The following PEAK1 variants were observed in gnomAD, a reference collection of about 807,000 sequenced individuals.
The protein encoded by PEAK1 is inactive tyrosine-protein kinase PEAK1.
In PEAK1, 54 loss-of-function variants were observed where a neutral mutation model predicts 124.7. That is an observed-to-expected ratio of 0.43 (90% CI 0.35 to 0.54). PEAK1 has a LOEUF of 0.54. Among genes scored for constraint, PEAK1 ranks in the 20% least tolerant of loss-of-function variants. The pLI, the probability that PEAK1 is intolerant of heterozygous loss-of-function variation, is 0.01. For synonymous variants in PEAK1, 719 were observed against 760.0 expected (o/e 0.95, Z 0.89); for missense variants, 2,046 against 2,134.5 (o/e 0.96, Z 0.82).
intron 9 of PEAK1, among the ~76,000 whole-genome samples, chr15:77,124,403 T>G (rs2052193400): frequency 6.6e-6 from 1 of 152,262 alleles, no homozygotes; most frequent in Non-Finnish European, 1.5e-5. Context: ...TCAACTTGGC[T>G]GCCCTATGGG....
exon 7 of PEAK1, chr15:77,102,168 A>C (rs1054730158): frequency 6.6e-6 from 1 of 152,040 alleles, no homozygotes; most frequent in African/African-American, 2.4e-5. Context: ...TTTTTTTTAG[A>C]TATGCCACCT....
At chr15:77,353,566 T>C (rs2067329933) in intron 2 of PEAK1, among the ~76,000 whole-genome samples, 1 of 152,162 alleles carries the variant, frequency 6.6e-6, no homozygotes, top group African/African-American at 2.4e-5. Context: ...AGCAAAACTG[T>C]TGCCTGCAGT....
chr15:77,351,838 T>G lies in PEAK1; in HGVS notation c.-603+13325A>C, dbSNP rs1012318966. On this transcript the variant is annotated intron_variant, in intron 2 of 9. Coordinates refer to ENST00000682557, the MANE Select transcript of PEAK1 (RefSeq NM_001385026.1). ...CACGGGTGTGGTAACAGTTTGAGTT[T>G]TAGACAATTATTTCCGGGCATACAA... 66 of 985,318 alleles carry G rather than the reference T, an allele frequency of 6.7e-5. No individual in the cohort carries two copies. The African/African-American group carries it at 1.1e-3, about 17-fold the overall frequency. The allele number at this position is 985,318 out of a possible 1,614,324, so 61.0% of individuals were successfully genotyped here.
chr15:77,310,815 T>C (rs1049718647), intron 2 of PEAK1, among the ~76,000 whole-genome samples: 11 of 152,284 alleles, frequency 7.2e-5, no homozygotes, highest in African/African-American at 2.6e-4. Context: ...ATCTAACTGA[T>C]AAATGTTTCA....
intron 2 of PEAK1, among the ~76,000 whole-genome samples, chr15:77,322,829 CAA>C (rs1338803274): frequency 2.0e-5 from 3 of 151,800 alleles, no homozygotes; most frequent in Non-Finnish European, 2.9e-5. Flanking sequence ...ACAACAACAA[CAA>C]AAAAAGAATT....
intron 1 of PEAK1, among the ~76,000 whole-genome samples, chr15:77,391,469 C>T (rs2070441658): frequency 9.4e-6 from 1 of 106,704 alleles, no homozygotes; most frequent in African/African-American, 3.7e-5. Flanking sequence ...ACCAACCTAA[C>T]TCATGGCAAA....
chr15:77,222,263 T>A (rs2059423761), intron 6 of PEAK1, among the ~76,000 whole-genome samples: 1 of 152,090 alleles, frequency 6.6e-6, no homozygotes, highest in East Asian at 1.9e-4. Flanking sequence ...TCTCCTTCTT[T>A]CTCTCTTCTT....
intron 7 of PEAK1, among the ~76,000 whole-genome samples, chr15:77,176,488 A>C (rs1296256385): frequency 1.3e-5 from 2 of 152,168 alleles, no homozygotes; most frequent in African/African-American, 4.8e-5. Context: ...GACCCACCCC[A>C]GACCTACTGA....
In PEAK1 at chr15:77,179,555, C is replaced by T. The variant is rs764732917; in HGVS notation, c.2372G>A (p.Cys791Tyr). The change falls in exon 7 of 10, where the codon TGC (cysteine) becomes TAC (tyrosine). Residue 791 changes from cysteine (C) to tyrosine (Y), a missense_variant. Coordinates refer to ENST00000682557, the MANE Select transcript of PEAK1 (RefSeq NM_001385026.1). ...AATGGCATAAAGCTCTTCCACACTG[C>T]AAGCTTTAGGGCCAGATTGAGGTGT... is the stretch of plus-strand genomic sequence containing the variant. Reference protein sequence around the residue: ...PETPQSGPKACSVEELYAIPP... With the variant: ...PETPQSGPKAYSVEELYAIPP... The T allele has an allele frequency of 4.3e-6, 7 of 1,614,034 alleles. No individual in the cohort carries two copies. Among genetic ancestry groups the T allele is most frequent in the Non-Finnish European group, 5.1e-6 (6 of 1,180,016 alleles).
intron 6 of PEAK1, among the ~76,000 whole-genome samples, chr15:77,216,398 T>G (rs1012643897): frequency 6.6e-6 from 1 of 152,206 alleles, no homozygotes; most frequent in Non-Finnish European, 1.5e-5. Flanking sequence ...TTAAGAAGAA[T>G]AAGACATCAG....
chr15:77,278,684 G>A, intron 5 of PEAK1: 1 of 521,944 alleles, frequency 1.9e-6, no homozygotes, highest in East Asian at 5.2e-5. Context: ...AGAAAATGGA[G>A]ATGCCAAAAC....
intron 1 of PEAK1, among the ~76,000 whole-genome samples, chr15:77,386,088 ATAAT>A (rs764978712): frequency 6.6e-6 from 1 of 152,246 alleles, no homozygotes; most frequent in Non-Finnish European, 1.5e-5. Flanking sequence ...GAATGTAAAA[ATAAT>A]TAATAACAGC....
chr15:77,202,714 A>G (rs999609771), intron 6 of PEAK1, among the ~76,000 whole-genome samples: 1 of 151,476 alleles, frequency 6.6e-6, no homozygotes, highest in Non-Finnish European at 1.5e-5. Flanking sequence ...GCTTGCAGTG[A>G]GCCGAGATCA....
chr15:77,340,619 A>G (rs1375626709), intron 2 of PEAK1, among the ~76,000 whole-genome samples: 1 of 152,224 alleles, frequency 6.6e-6, no homozygotes, highest in African/African-American at 2.4e-5. Flanking sequence ...AGAGTGAACC[A>G]CAGTGTAAAT....
intron 1 of PEAK1, chr15:77,419,127 G>A (rs2073135558): frequency 1.0e-6 from 1 of 985,330 alleles, no homozygotes; most frequent in Non-Finnish European, 1.2e-6. Context: ...CCATTCCACA[G>A]CTCTCAAATT....
chr15:77,275,096 A>G (rs567411349), intron 5 of PEAK1, among the ~76,000 whole-genome samples: 2 of 152,202 alleles, frequency 1.3e-5, no homozygotes, highest in Admixed American at 6.5e-5. Flanking sequence ...GTTCTCACTC[A>G]TAAGTGGAAG....
intron 6 of PEAK1, among the ~76,000 whole-genome samples, chr15:77,182,713 G>A (rs2057341428): frequency 7.6e-6 from 1 of 131,708 alleles, no homozygotes; most frequent in Non-Finnish European, 1.6e-5. Context: ...TTGTGCCACA[G>A]TACTTCAGCC....
At chr15:77,139,848 T>C (rs2053633342) in intron 8 of PEAK1, among the ~76,000 whole-genome samples, 1 of 151,786 alleles carries the variant, frequency 6.6e-6, no homozygotes, top group Admixed American at 6.6e-5. Context: ...TATATGTATA[T>C]ATTTAGAGGG....
At chr15:77,391,847 A>G (rs368476396) in intron 1 of PEAK1, among the ~76,000 whole-genome samples, 10 of 152,216 alleles carry the variant, frequency 6.6e-5, no homozygotes, top group East Asian at 3.8e-4. Context: ...AACAAATTAA[A>G]CAGGGGAGAA....
Sources: gnomAD v4.1 joint callset for allele counts (sites outside exome capture counted in the v4.1 genomes callset) on GRCh38, gnomAD v4.1.1 for gene constraint, MANE v1.5 for transcripts, NCBI Gene and HGNC (gene_info 2026-07-23, HGNC 2026-07-21) for gene names.